Variants in HHLA2 observed in about 807,000 individuals in gnomAD.
HHLA2 encodes HERV-H LTR-associating protein 2.
In HHLA2, 48 loss-of-function variants were observed where a neutral mutation model predicts 45.9. The observed-to-expected ratio is 1.05, with a 90% confidence interval of 0.83 to 1.33. The LOEUF is 1.33. Ranked by LOEUF, HHLA2 falls within the 40% of genes most tolerant of loss-of-function variation. The probability of loss-of-function intolerance (pLI) is 0.00; values close to 1 mark genes in which losing one functional copy is unlikely to be tolerated. For synonymous variants in HHLA2, 161 were observed against 173.9 expected (o/e 0.93, Z 0.59); for missense variants, 462 against 494.3 (o/e 0.93, Z 0.62).
At chr3:108,333,900 A>G (rs2081429144) in intron 3 of HHLA2, among the ~76,000 whole-genome samples, 1 of 152,174 alleles carries the variant, frequency 6.6e-6, no homozygotes, top group African/African-American at 2.4e-5. Flanking sequence ...TGTAAGAGCT[A>G]GTATTGATTT....
exon 11 of HHLA2, chr3:108,378,148 A>T (rs1012055137): frequency 1.3e-5 from 2 of 152,192 alleles, no homozygotes; most frequent in African/African-American, 4.8e-5. Flanking sequence ...CCCTGCCCAC[A>T]AAACATTGCT....
At chr3:108,303,698 G>C (rs1225619371) in intron 1 of HHLA2, among the ~76,000 whole-genome samples, 1 of 152,002 alleles carries the variant, frequency 6.6e-6, no homozygotes, top group Non-Finnish European at 1.5e-5. Context: ...TGCCATTCCT[G>C]TACCCCACCT....
intron 3 of HHLA2, among the ~76,000 whole-genome samples, chr3:108,350,979 C>T (rs1366658027): frequency 6.6e-6 from 1 of 152,166 alleles, no homozygotes; most frequent in African/African-American, 2.4e-5. Flanking sequence ...ACCACCATGC[C>T]CAGCCACCAA....
At chr3:108,339,535 T>C (rs950399016) in intron 3 of HHLA2, among the ~76,000 whole-genome samples, 4 of 152,068 alleles carry the variant, frequency 2.6e-5, no homozygotes, top group Non-Finnish European at 1.5e-5. Flanking sequence ...TATGGTGTAT[T>C]ACTATATGCT....
At chr3:108,307,511 G>C (rs191409506) in intron 1 of HHLA2, among the ~76,000 whole-genome samples, 14 of 152,126 alleles carry the variant, frequency 9.2e-5, no homozygotes, top group African/African-American at 3.4e-4. Context: ...GCAGGTGCCT[G>C]TAATCCCAGC....
chr3:108,325,969 A>AG (rs1394912454), intron 2 of HHLA2: 1 of 363,132 alleles, frequency 2.8e-6, no homozygotes, highest in Non-Finnish European at 5.3e-6. Flanking sequence ...TCTGAATGAC[A>AG]GTATTATCCA....
rs954316591 is a variant in HHLA2 at position 108,325,040 on chromosome 3, C to T, written c.-104-3230C>T. Among the ~76,000 whole-genome samples, 62 of 151,970 alleles carry T rather than the reference C, an allele frequency of 4.1e-4. 1 individual carries two copies. The highest frequency in any genetic ancestry group is 5.9e-5 in the Non-Finnish European group (4 of 67,952). On this transcript the variant is annotated intron_variant, in intron 2 of 10. Coordinates refer to ENST00000619531, the Ensembl canonical transcript of HHLA2. ...TTTTAGCCCCTTCTAAAGTCTTAAG[C>T]CATTATTAGGTACTTTAATTCTGTC...
intron 2 of HHLA2, among the ~76,000 whole-genome samples, chr3:108,315,308 T>C (rs1263286858): frequency 6.6e-6 from 1 of 152,178 alleles, no homozygotes; most frequent in African/African-American, 2.4e-5. Context: ...CCCTCAGATA[T>C]GACCAAGATG....
intron 8 of HHLA2, among the ~76,000 whole-genome samples, chr3:108,369,622 C>T (rs553498805): frequency 5.3e-4 from 81 of 152,296 alleles, no homozygotes; most frequent in Middle Eastern, 3.4e-3. Context: ...CCTAATACTG[C>T]GCTTTTCCAA....
chr3:108,320,993 C>T (rs1015036374), intron 2 of HHLA2, among the ~76,000 whole-genome samples: 1 of 150,240 alleles, frequency 6.7e-6, no homozygotes, highest in East Asian at 2.0e-4. Flanking sequence ...ATTTAGGCAG[C>T]AGGACCTGGA....
rs760497751 is a variant in HHLA2, at chr3:108,376,475, T to C, written c.1160-18T>C. ...TTGCAAAGAAATTATTTTTAAGTTC[T>C]CTTTTTTTTTCCTGTAGAAAGATGT... On this transcript the variant is annotated intron_variant, in intron 9 of 10. Coordinates refer to ENST00000619531, the Ensembl canonical transcript of HHLA2. 6.3e-7 allele frequency: 1 copy of C among 1,590,238 alleles called. No individual in the cohort carries two copies. The highest frequency in any genetic ancestry group is 8.5e-7 in the Non-Finnish European group (1 of 1,169,950).
chr3:108,341,200 G>A (rs557094274), intron 3 of HHLA2, among the ~76,000 whole-genome samples: 13 of 152,048 alleles, frequency 8.5e-5, no homozygotes, highest in Admixed American at 3.3e-4. Flanking sequence ...TAATCCGCCC[G>A]CCTCGGCCTC....
intron 3 of HHLA2, among the ~76,000 whole-genome samples, chr3:108,330,578 C>G (rs1204377696): frequency 6.6e-6 from 1 of 152,176 alleles, no homozygotes; most frequent in Non-Finnish European, 1.5e-5. Flanking sequence ...AGACTTAAAG[C>G]AGTGGCCCCT....
In HHLA2 at chr3:108,339,600, A is replaced by C. The variant is rs539280482; in HGVS notation, c.-27+11253A>C. 9.2e-5 allele frequency among the ~76,000 whole-genome samples: 14 copies of C among 152,308 alleles called. No individual in the cohort carries two copies. In the South Asian group the frequency reaches 2.9e-3, roughly 32 times the overall value. On this transcript the variant is annotated intron_variant, in intron 3 of 10. Coordinates refer to ENST00000619531, the Ensembl canonical transcript of HHLA2. ...GTAATGCATATATTAGTATATGTTTAGTAATACTGAAAGGTTAGCATTAAT... is the reference window on the plus strand; with the variant it reads ...GTAATGCATATATTAGTATATGTTTCGTAATACTGAAAGGTTAGCATTAAT...
intron 2 of HHLA2, among the ~76,000 whole-genome samples, chr3:108,312,093 T>C (rs1000731491): frequency 8.5e-5 from 13 of 152,174 alleles, no homozygotes; most frequent in Non-Finnish European, 1.8e-4. Context: ...TTCACCATTC[T>C]TACTTCCTGA....
intron 3 of HHLA2, among the ~76,000 whole-genome samples, chr3:108,329,677 AT>A (rs1181996078): frequency 6.6e-6 from 1 of 152,092 alleles, no homozygotes; most frequent in Non-Finnish European, 1.5e-5. Flanking sequence ...CTGATCTTGC[AT>A]CATCAACCAC....
intron 2 of HHLA2, among the ~76,000 whole-genome samples, chr3:108,322,895 C>T (rs2081228262): frequency 1.3e-5 from 2 of 152,022 alleles, no homozygotes; most frequent in African/African-American, 4.8e-5. Flanking sequence ...TTACCAGTTC[C>T]AAAGCAGTTC....
chr3:108,325,438 TA>T, intron 2 of HHLA2: 1 of 384,346 alleles, frequency 2.6e-6, no homozygotes, highest in South Asian at 2.0e-5. Context: ...AAATCTGTTG[TA>T]ACCTGTACCT....
At chr3:108,340,733 T>C (rs183195044) in intron 3 of HHLA2, among the ~76,000 whole-genome samples, 1 of 152,186 alleles carries the variant, frequency 6.6e-6, no homozygotes, top group Non-Finnish European at 1.5e-5. Flanking sequence ...TCATTTTTCC[T>C]ACAAATATTT....
Sources: gnomAD v4.1 joint callset for allele counts (sites outside exome capture counted in the v4.1 genomes callset) on GRCh38, gnomAD v4.1.1 for gene constraint, MANE v1.5 for transcripts, NCBI Gene and HGNC (gene_info 2026-07-23, HGNC 2026-07-21) for gene names.